The following DOK5 variants were observed in gnomAD, a reference collection of about 807,000 sequenced individuals.
The protein encoded by DOK5 is docking protein 5.
In DOK5, 27 loss-of-function variants were observed where a neutral mutation model predicts 43.3. That is an observed-to-expected ratio of 0.62 (90% CI 0.46 to 0.86). DOK5 has a LOEUF of 0.86. DOK5 is among the 40% of genes least tolerant of loss of function. The pLI, the probability that DOK5 is intolerant of heterozygous loss-of-function variation, is 0.00. For missense variants in DOK5, 373 were observed against 392.9 expected, an observed-to-expected ratio of 0.95 and a Z score of 0.43; for synonymous variants, 146 against 140.1, an observed-to-expected ratio of 1.04 and a Z score of -0.30.
chr20:54,649,271 A>C (rs1387757116), intron 7 of DOK5, among the ~76,000 whole-genome samples: 1 of 152,074 alleles, frequency 6.6e-6, no homozygotes, highest in East Asian at 1.9e-4. Flanking sequence ...AAAATCCAAG[A>C]ATTAGTCACG....
chr20:54,534,306 G>T (rs1983878936), intron 1 of DOK5, among the ~76,000 whole-genome samples: 1 of 152,150 alleles, frequency 6.6e-6, no homozygotes, highest in Admixed American at 6.5e-5. Flanking sequence ...TCCCACTTCA[G>T]CCTCCAGAGT....
In DOK5 at chr20:54,596,986, A is replaced by T. The variant is rs554953663; in HGVS notation, c.599+5181A>T. ...TTACTACTCTCTGCTGTCATTATATATACTATGTGTCAAGCACTGCACTTT... is the reference window on the plus strand; with the variant it reads ...TTACTACTCTCTGCTGTCATTATATTTACTATGTGTCAAGCACTGCACTTT... On this transcript the variant is annotated intron_variant, in intron 5 of 7. Transcript: ENST00000262593. Among the ~76,000 whole-genome samples the T allele has an allele frequency of 3.6e-4, 55 of 152,346 alleles. No individual in the cohort carries two copies. The Middle Eastern group carries it at 0.01, about 28-fold the overall frequency.
intron 1 of DOK5, among the ~76,000 whole-genome samples, chr20:54,479,166 C>T (rs1404097333): frequency 6.6e-6 from 1 of 152,066 alleles, no homozygotes; most frequent in African/African-American, 2.4e-5. Context: ...ATTTGAAATC[C>T]TAAAGAGTTT....
intron 7 of DOK5, among the ~76,000 whole-genome samples, chr20:54,647,522 A>C (rs947211053): frequency 8.0e-5 from 12 of 150,196 alleles, no homozygotes; most frequent in Admixed American, 3.3e-4. Context: ...AAAAAAAAAA[A>C]ACAAAAAAAC....
chr20:54,508,521 T>A (rs1982898028), intron 1 of DOK5, among the ~76,000 whole-genome samples: 1 of 151,486 alleles, frequency 6.6e-6, no homozygotes, highest in Non-Finnish European at 1.5e-5. Flanking sequence ...TTGAGAACTG[T>A]GCAGGGGCTA....
intron 5 of DOK5, among the ~76,000 whole-genome samples, chr20:54,592,927 A>G (rs1986026878): frequency 6.6e-6 from 1 of 152,166 alleles, no homozygotes; most frequent in African/African-American, 2.4e-5. Context: ...ATTGAAAACC[A>G]TTAACTTGTG....
intron 2 of DOK5, among the ~76,000 whole-genome samples, chr20:54,571,759 G>T (rs896872629): frequency 3.3e-5 from 5 of 152,124 alleles, no homozygotes; most frequent in African/African-American, 1.2e-4. Flanking sequence ...CAGATCTTAT[G>T]ATTCACCCTA....
chr20:54,538,718 G>A (rs1984038617), intron 1 of DOK5, among the ~76,000 whole-genome samples: 1 of 152,150 alleles, frequency 6.6e-6, no homozygotes, highest in Admixed American at 6.5e-5. Context: ...GGGTGGTAAA[G>A]TTTATCCCAG....
chr20:54,573,924 G>A (rs1192143760), intron 2 of DOK5, among the ~76,000 whole-genome samples: 2 of 152,076 alleles, frequency 1.3e-5, no homozygotes, highest in Admixed American at 6.6e-5. Flanking sequence ...GGAACTCAGA[G>A]CGTGTGGGAA....
intron 5 of DOK5, among the ~76,000 whole-genome samples, chr20:54,602,147 A>G (rs896213255): frequency 2.0e-5 from 3 of 152,162 alleles, no homozygotes; most frequent in Non-Finnish European, 1.5e-5. Context: ...TGACGTTTTA[A>G]AGGGTTAAAA....
At chr20:54,628,805 T>C (rs913235474) in intron 6 of DOK5, among the ~76,000 whole-genome samples, 1 of 152,206 alleles carries the variant, frequency 6.6e-6, no homozygotes, top group South Asian at 2.1e-4. Flanking sequence ...GTGAGAACTT[T>C]AGGAAGGTAT....
At chr20:54,511,598 T>C (rs1033312786) in intron 1 of DOK5, among the ~76,000 whole-genome samples, 2 of 152,216 alleles carry the variant, frequency 1.3e-5, no homozygotes, top group Admixed American at 6.5e-5. Flanking sequence ...GCAATTTATA[T>C]TGGTGATGGT....
chr20:54,541,851 A>G (rs972061748), intron 1 of DOK5, among the ~76,000 whole-genome samples: 18 of 151,974 alleles, frequency 1.2e-4, no homozygotes, highest in Non-Finnish European at 2.6e-4. Context: ...TCCCTTTAAC[A>G]TGCTGGACAT....
At chr20:54,647,519 A>AAC (rs978394264) in intron 7 of DOK5, among the ~76,000 whole-genome samples, 1 of 151,746 alleles carries the variant, frequency 6.6e-6, no homozygotes, top group African/African-American at 2.4e-5. Flanking sequence ...TAAAAAAAAA[A>AAC]AAAACAAAAA....
chr20:54,573,009 C>T (rs73624117), intron 2 of DOK5, among the ~76,000 whole-genome samples: 16 of 152,132 alleles, frequency 1.1e-4, no homozygotes, highest in East Asian at 5.8e-4. Flanking sequence ...ACACAGCAGA[C>T]GAAATCCTGA....
chr20:54,596,850 G>T (rs538908267), intron 5 of DOK5, among the ~76,000 whole-genome samples: 11 of 152,244 alleles, frequency 7.2e-5, no homozygotes, highest in Non-Finnish European at 1.6e-4. Flanking sequence ...GATAATCCCA[G>T]GTTTTATGTG....
At chr20:54,543,813 T>C (rs1240518400) in intron 1 of DOK5, among the ~76,000 whole-genome samples, 2 of 152,216 alleles carry the variant, frequency 1.3e-5, no homozygotes, top group Non-Finnish European at 2.9e-5. Context: ...TACAATATCA[T>C]TTCTAATGAT....
At chr20:54,594,033 A>AATAATGG (rs1432362295) in intron 5 of DOK5, among the ~76,000 whole-genome samples, 1 of 152,178 alleles carries the variant, frequency 6.6e-6, no homozygotes, top group Non-Finnish European at 1.5e-5. Context: ...AGGAAAAATA[A>AATAATGG]ATAATGGATA....
intron 6 of DOK5, among the ~76,000 whole-genome samples, chr20:54,634,152 C>T (rs948722244): frequency 2.6e-5 from 4 of 152,278 alleles, no homozygotes; most frequent in East Asian, 3.9e-4. Flanking sequence ...ACAAGCTATG[C>T]GCAGTGGTCC....
Sources: gnomAD v4.1 joint callset for allele counts (sites outside exome capture counted in the v4.1 genomes callset) on GRCh38, gnomAD v4.1.1 for gene constraint, MANE v1.5 for transcripts, NCBI Gene and HGNC (gene_info 2026-07-23, HGNC 2026-07-21) for gene names.